Variants in CNOT4 observed in about 807,000 individuals in gnomAD.
CNOT4 encodes CCR4-associated factor 4.
CNOT4 carries 8 observed loss-of-function variants against 73.8 expected under a neutral mutation model. The ratio of observed to expected loss-of-function variants is 0.11; its 90% CI spans 0.06 to 0.20. The LOEUF is 0.20. Ranked by LOEUF, CNOT4 falls within the 10% of genes least tolerant of loss-of-function variation. The pLI, the probability that CNOT4 is intolerant of heterozygous loss-of-function variation, is 1.00. For synonymous variants in CNOT4, 293 were observed against 321.1 expected (o/e 0.91, Z 0.94); for missense variants, 564 against 883.4 (o/e 0.64, Z 4.58).
chr7:135,413,680 C>T lies in CNOT4; in HGVS notation c.562-67G>A, dbSNP rs1003372627. On this transcript the variant is annotated intron_variant, in intron 5 of 11. Transcript: ENST00000541284. ...GAACTGACAACACAATGAGAATCTC[C>T]ATGTTTAGTGTTTTCAAGTCACCTA... 3.1e-5 allele frequency: 47 copies of T among 1,506,740 alleles called. 1 individual carries two copies. Among genetic ancestry groups the T allele is most frequent in the Admixed American group, 1.2e-4 (6 of 49,344 alleles). 93.3% of individuals were successfully genotyped at this position (1,506,740 alleles called of 1,614,324 possible).
intron 4 of CNOT4, among the ~76,000 whole-genome samples, 184 bp from the exon 5 acceptor site, chr7:135,414,616 C>G (rs975870303): frequency 2.6e-5 from 4 of 151,874 alleles, no homozygotes; most frequent in African/African-American, 9.7e-5. Flanking sequence ...TAATAATACT[C>G]AATGAATTTT....
intron 1 of CNOT4, among the ~76,000 whole-genome samples, chr7:135,475,814 A>T (rs1329818435): frequency 6.6e-6 from 1 of 152,028 alleles, no homozygotes; most frequent in Non-Finnish European, 1.5e-5. Flanking sequence ...AGGAGTCTGA[A>T]GTGGGAGGAC....
In CNOT4 at chr7:135,455,600, C is replaced by A. The variant is rs947110183; in HGVS notation, c.-92-17177G>T. 2.0e-4 allele frequency among the ~76,000 whole-genome samples: 31 copies of A among 151,730 alleles called. 1 individual carries two copies. The highest frequency in any genetic ancestry group is 6.6e-5 in the Admixed American group (1 of 15,236). On this transcript the variant is annotated intron_variant, in intron 1 of 11. Coordinates refer to ENST00000541284, the MANE Select transcript of CNOT4 (RefSeq NM_001190850.2). ...AAAAAAAAAAAAGACTAAGGCCAGG[C>A]ACTGTGGCTCATGCCTGTAATCCCA...
chr7:135,367,271 A>G (rs1035750096), intron 10 of CNOT4, among the ~76,000 whole-genome samples: 23 of 152,124 alleles, frequency 1.5e-4, no homozygotes, highest in Non-Finnish European at 5.9e-5. Context: ...TTTCCTTTCA[A>G]ATAGTACCAG....
intron 1 of CNOT4, among the ~76,000 whole-genome samples, chr7:135,444,147 T>G (rs777251415): frequency 1.2e-5 from 1 of 80,610 alleles, no homozygotes; most frequent in Non-Finnish European, 3.1e-5. Flanking sequence ...TTTCAAAAAA[T>G]AATAATAATA....
chr7:135,453,185 A>G (rs1800285025), intron 1 of CNOT4, among the ~76,000 whole-genome samples: 1 of 152,194 alleles, frequency 6.6e-6, no homozygotes, highest in African/African-American at 2.4e-5. Context: ...CTGTACATCA[A>G]TTTACAGTAT....
At chr7:135,468,338 A>G (rs553473947) in intron 1 of CNOT4, among the ~76,000 whole-genome samples, 268 of 152,246 alleles carry the variant, frequency 1.8e-3, no homozygotes, top group Non-Finnish European at 3.1e-3. Flanking sequence ...GCAAAGGAAC[A>G]ATACATTTCC....
intron 10 of CNOT4, among the ~76,000 whole-genome samples, chr7:135,391,475 C>A (rs1796398105): frequency 6.6e-6 from 1 of 151,982 alleles, no homozygotes. Flanking sequence ...CTCCCACCCC[C>A]TACCAAATAG....
At chr7:135,446,852 GAA>G (rs1041032324) in intron 1 of CNOT4, among the ~76,000 whole-genome samples, 1 of 149,200 alleles carries the variant, frequency 6.7e-6, no homozygotes, top group Non-Finnish European at 1.5e-5. Flanking sequence ...AAAAGAAAAA[GAA>G]AAAAAAAGTT....
chr7:135,432,193 T>C (rs1335866445), intron 2 of CNOT4, among the ~76,000 whole-genome samples: 1 of 152,210 alleles, frequency 6.6e-6, no homozygotes, highest in Non-Finnish European at 1.5e-5. Context: ...ATTGGATTTA[T>C]ACATTTATGG....
rs895240827 is a variant in CNOT4 at position 135,441,300 on chromosome 7, T to C, written c.-92-2877A>G. Among the ~76,000 whole-genome samples, 12 of 152,190 alleles carry C rather than the reference T, an allele frequency of 7.9e-5. 1 individual carries two copies. The highest frequency in any genetic ancestry group is 1.2e-4 in the Non-Finnish European group (8 of 67,994). ...TAAAAAAAGAGGAAAATTGTTTTCA[T>C]TTCCTTTAGAAAAATTAAATTACTT... On this transcript the variant is annotated intron_variant, in intron 1 of 11. Transcript: ENST00000541284.
chr7:135,440,946 G>C (rs1799443252), intron 1 of CNOT4, among the ~76,000 whole-genome samples: 1 of 150,776 alleles, frequency 6.6e-6, no homozygotes, highest in Non-Finnish European at 1.5e-5. Context: ...ACTGCAAACA[G>C]TATACTGTCC....
At chr7:135,502,816 CAAAAAAAAAAA>C (rs56358299) in intron 1 of CNOT4, among the ~76,000 whole-genome samples, 2 of 59,164 alleles carry the variant, frequency 3.4e-5, no homozygotes, top group African/African-American at 7.1e-5. Context: ...AACTCCATCT[CAAAAAAAAAAA>C]AAAAAAAGAA....
chr7:135,406,112 C>T (rs1042904641), intron 7 of CNOT4, among the ~76,000 whole-genome samples: 2 of 152,052 alleles, frequency 1.3e-5, no homozygotes, highest in Admixed American at 1.3e-4. Flanking sequence ...ATCTTATCTA[C>T]AAATTCATCC....
In CNOT4 at chr7:135,424,036, ACAAAACACACACACAC is replaced by A. The variant is rs1172826025; in HGVS notation, c.175-1699_175-1684del. Among the ~76,000 whole-genome samples, 22 of 135,258 alleles carry A rather than the reference ACAAAACACACACACAC, an allele frequency of 1.6e-4. No homozygotes were observed. In the East Asian group the frequency reaches 2.3e-3, roughly 14 times the overall value. The allele number at this position is 135,258 out of a possible 152,430, so 88.7% of individuals were successfully genotyped here. A position where few individuals can be genotyped will look rare whatever the true frequency, so the allele number is the denominator to read the frequency against. ...AAAAGCCACCAAAACAAACAAACAA[ACAAAACACACACACAC>A]ACACACACACACACACACACACACA... On this transcript the variant is annotated intron_variant, in intron 2 of 11. Coordinates refer to ENST00000541284, the MANE Select transcript of CNOT4 (RefSeq NM_001190850.2).
intron 10 of CNOT4, among the ~76,000 whole-genome samples, chr7:135,368,317 C>T (rs575770841): frequency 6.6e-6 from 1 of 152,182 alleles, no homozygotes; most frequent in South Asian, 2.1e-4. Context: ...TCAGCAACAA[C>T]AACAGTTTAA....
intron 2 of CNOT4, among the ~76,000 whole-genome samples, chr7:135,425,326 G>A (rs1351413074): frequency 6.6e-6 from 1 of 152,158 alleles, no homozygotes; most frequent in Admixed American, 6.5e-5. Context: ...GATTACACAT[G>A]AGGCAAAGTC....
At chr7:135,464,031 A>AAAAAAAAC (rs1801062676) in intron 1 of CNOT4, among the ~76,000 whole-genome samples, 2 of 151,376 alleles carry the variant, frequency 1.3e-5, no homozygotes, top group Non-Finnish European at 3.0e-5. Flanking sequence ...AGTCAAAAAA[A>AAAAAAAAC]AAAAAAAAAC....
chr7:135,487,189 CT>C (rs34992123), intron 1 of CNOT4, among the ~76,000 whole-genome samples: 266 of 144,758 alleles, frequency 1.8e-3, no homozygotes, highest in East Asian at 0.011. Flanking sequence ...TTGGCCCAAT[CT>C]TTTTTTTTTT....
Sources: gnomAD v4.1 joint callset for allele counts (sites outside exome capture counted in the v4.1 genomes callset) on GRCh38, gnomAD v4.1.1 for gene constraint, MANE v1.5 for transcripts, NCBI Gene and HGNC (gene_info 2026-07-23, HGNC 2026-07-21) for gene names.